FCMR: variants seen among roughly 807,000 people sequenced by gnomAD.
FCMR encodes immunoglobulin mu Fc receptor.
FCMR carries 34 observed loss-of-function variants against 41.6 expected under a neutral mutation model. The ratio of observed to expected loss-of-function variants is 0.82; its 90% CI spans 0.62 to 1.09. The LOEUF (loss-of-function observed/expected upper bound fraction) is 1.09. FCMR is among the 50% of genes least tolerant of loss of function. The pLI is 0.00. For missense variants in FCMR, 496 were observed against 512.5 expected (o/e 0.97, Z 0.31); for synonymous variants, 209 against 211.8 (o/e 0.99, Z 0.12).
Position 206,913,958 on chromosome 1 carries a change from A to G in FCMR, c.174T>C (p.Cys58=), listed in dbSNP as rs1679058614. 6.2e-7 allele frequency: 1 copy of G among 1,614,062 alleles called. No individual in the cohort carries two copies. Among genetic ancestry groups the G allele is most frequent in the East Asian group, 2.2e-5 (1 of 44,904 alleles). ...AGTTGGTGGTGGATACCACGGTACCACATGTTCCAGATCCAGCCATCTCCC... is the reference window on the plus strand; with the variant it reads ...AGTTGGTGGTGGATACCACGGTACCGCATGTTCCAGATCCAGCCATCTCCC... ...LCREMAGSGT[C]GTVVSTTNFI... The change falls in exon 2 of 8, where the codon TGT becomes TGC. Residue 58 remains cysteine (C), a synonymous_variant. Transcript: ENST00000367091.
Position 206,910,231 on chromosome 1 carries a change from T to G in FCMR, c.820A>C (p.Arg274=). 2.5e-6 allele frequency: 4 copies of G among 1,602,250 alleles called. No homozygotes were observed. The highest frequency in any genetic ancestry group is 3.4e-6 in the Non-Finnish European group (4 of 1,175,258). Residue 274 remains arginine, a synonymous_variant, in exon 5 of 8, where the codon AGG becomes CGG. Coordinates refer to ENST00000367091, the MANE Select transcript of FCMR (RefSeq NM_005449.5). ...TCACCTTTCCTCCTTTCAACGGCCC[T>G]TTTCACCACCAGCCCCAGAAGTGCC... ...LLALLGLVVK[R]AVERRKALSR...
chr1:206,912,045 C>A, intron 3 of FCMR, 93 bp from the exon 4 acceptor site: 1 of 942,730 alleles, frequency 1.1e-6, no homozygotes, highest in East Asian at 2.7e-5. Context: ...ACATACCCTT[C>A]CCTTTTATAC....
rs1277415546 is a variant in FCMR, at chr1:206,909,743, G to C, written c.967C>G (p.Arg323Gly). 3.4e-6 allele frequency: 5 copies of C among 1,462,424 alleles called. No homozygotes were observed. The highest frequency in any genetic ancestry group is 4.5e-6 in the Non-Finnish European group (5 of 1,117,406). The allele number at this position is 1,462,424 out of a possible 1,614,324, so 90.6% of individuals were successfully genotyped here. The stretch of plus-strand genomic sequence containing the variant: ...GGCTCACCTGCAGCGTCCGCTCCAC[G>C]AGCGCGCCGCGGGCAGGCGCTGTAG... ...NIYSACPRRA[R>G]GADAAGTGEA... The change falls in exon 6 of 8, where the codon CGT becomes GGT. Residue 323 changes from arginine (R) to glycine (G), a missense_variant. Physicochemically the swap from Arg to Gly is moderately radical, Grantham distance 125. Transcript: ENST00000367091. The surrounding 1 kb of genome is among the most constrained non-coding windows in gnomAD (Gnocchi z 5.0).
At position 206,909,643 on chromosome 1, in the gene FCMR, G is replaced by T; in HGVS notation, c.985+82C>A. On this transcript the variant is annotated intron_variant, in intron 6 of 7. Transcript: ENST00000367091. This position sits in a 1 kb window ranked among gnomAD's most constrained non-coding sequence, Gnocchi z 5.0. ...CACCCTGTGGGAAGCCCTGGCACCTGGGAGCGCGCCCCGCTGCGCCCGGCT... is the reference window on the plus strand; with the variant it reads ...CACCCTGTGGGAAGCCCTGGCACCTTGGAGCGCGCCCCGCTGCGCCCGGCT... 7.5e-7 allele frequency: 1 copy of T among 1,339,192 alleles called. No individual in the cohort carries two copies. The highest frequency in any genetic ancestry group is 9.6e-7 in the Non-Finnish European group (1 of 1,045,932). 83.0% of individuals were successfully genotyped at this position (1,339,192 alleles called of 1,614,324 possible).
intron 2 of FCMR, chr1:206,913,519 GT>G (rs1679033920): frequency 1.8e-6 from 1 of 566,504 alleles, no homozygotes; most frequent in Non-Finnish European, 3.1e-6. Context: ...CATGCCCTGG[GT>G]AGGATGAACA....
rs370939570 is a variant in FCMR at position 206,914,105 on chromosome 1, A to T, written c.38-11T>A. The T allele has an allele frequency of 3.1e-5, 49 of 1,598,062 alleles. No individual in the cohort carries two copies. In the African/African-American group the frequency reaches 6.0e-4, roughly 20 times the overall value. On this transcript the variant is annotated splice_polypyrimidine_tract_variant and intron_variant, in intron 1 of 7. Coordinates refer to ENST00000367091, the MANE Select transcript of FCMR (RefSeq NM_005449.5). ...TCAGGGCCCCCGATACTGCAGGGAG[A>T]GGAGATTAATGCAGAGGGAGCCCCA...
intron 7 of FCMR, chr1:206,908,288 G>A (rs576898093): frequency 9.7e-6 from 9 of 924,942 alleles, no homozygotes; most frequent in African/African-American, 8.3e-5. Context: ...CTCCATCGTC[G>A]CCCTGGAATG....
chr1:206,909,599 C>A lies in FCMR; in HGVS notation c.986-79G>T. The A allele has an allele frequency of 7.8e-7, 1 of 1,277,430 alleles. No homozygotes were observed. The highest frequency in any genetic ancestry group is 2.0e-5 in the South Asian group (1 of 50,096). The allele number at this position is 1,277,430 out of a possible 1,614,324, so 79.1% of individuals were successfully genotyped here. A position where few individuals can be genotyped will look rare whatever the true frequency, so the allele number is the denominator to read the frequency against. Reference sequence around the variant, plus strand: ...TCATGCTACTACTCCCAGCTCCACCCCCGCCCCACTCCCAGCTCCACCCTG... The same window carrying A: ...TCATGCTACTACTCCCAGCTCCACCACCGCCCCACTCCCAGCTCCACCCTG... On this transcript the variant is annotated intron_variant, in intron 6 of 7. Coordinates refer to ENST00000367091, the MANE Select transcript of FCMR (RefSeq NM_005449.5). The surrounding 1 kb of genome is among the most constrained non-coding windows in gnomAD (Gnocchi z 5.0).
chr1:206,909,824 G>A lies in FCMR; in HGVS notation c.886C>T (p.Leu296=). 7.1e-7 allele frequency: 1 copy of A among 1,408,504 alleles called. No individual in the cohort carries two copies. Among genetic ancestry groups the A allele is most frequent in the Non-Finnish European group, 9.2e-7 (1 of 1,087,948 alleles). 87.3% of individuals were successfully genotyped at this position (1,408,504 alleles called of 1,614,324 possible). Residue 296 remains leucine (L), a synonymous_variant, in exon 6 of 8, where the codon CTG becomes TTG. Transcript: ENST00000367091. This position sits in a 1 kb window ranked among gnomAD's most constrained non-coding sequence, Gnocchi z 5.0. ...CCGCGGGGCCTCTGGGAGCTCTCCA[G>A]GGCGCGCATCCTCACGGCCAGTCGG... ...ARRLAVRMRA[L]ESSQRPRGSP...
At position 206,909,778 on chromosome 1, in the gene FCMR, TG is replaced by T; in HGVS notation, c.931del (p.Gln311LysfsTer50). On this transcript the variant is annotated frameshift_variant, in exon 6 of 8. Coordinates refer to ENST00000367091, the MANE Select transcript of FCMR (RefSeq NM_005449.5). LOFTEE classifies it high-confidence loss of function. This position sits in a 1 kb window ranked among gnomAD's most constrained non-coding sequence, Gnocchi z 5.0. ...RPRGSPRPRS[Q>X]NNIYSACPRR... ...CGGGCAGGCGCTGTAGATGTTGTTTTGGGAGCGCGGTCGCGGCGACCCGCGG... is the reference window on the plus strand; with the variant it reads ...CGGGCAGGCGCTGTAGATGTTGTTTTGGAGCGCGGTCGCGGCGACCCGCGG... 6.9e-7 allele frequency: 1 copy of T among 1,459,832 alleles called. No individual in the cohort carries two copies. Among genetic ancestry groups the T allele is most frequent in the South Asian group, 1.4e-5 (1 of 73,866 alleles). 90.4% of individuals were successfully genotyped at this position (1,459,832 alleles called of 1,614,324 possible).
chr1:206,918,874 C>G (rs562588706), intron 1 of FCMR, among the ~76,000 whole-genome samples: 1 of 152,050 alleles, frequency 6.6e-6, no homozygotes, highest in Non-Finnish European at 1.5e-5. Flanking sequence ...CCTAGGGAGA[C>G]CCACTCCAGC....
intron 1 of FCMR, among the ~76,000 whole-genome samples, chr1:206,914,733 C>A (rs1679115160): frequency 6.6e-6 from 1 of 152,072 alleles, no homozygotes; most frequent in South Asian, 2.1e-4. Flanking sequence ...CCCTTATTCT[C>A]ATTTCTACCC....
Position 206,904,208 on chromosome 1 carries a change from T to G in FCMR, c.*811A>C, listed in dbSNP as rs1358132291. On this transcript the variant is annotated 3_prime_UTR_variant, in exon 8 of 8. Coordinates refer to ENST00000367091, the MANE Select transcript of FCMR (RefSeq NM_005449.5). ...GGGAACATTTGTGAAAACCAAGAAATGTAATGGTTTTGGATGAATAAAATA... is the reference window on the plus strand; with the variant it reads ...GGGAACATTTGTGAAAACCAAGAAAGGTAATGGTTTTGGATGAATAAAATA... 1 of 151,820 alleles carries G rather than the reference T, an allele frequency of 6.6e-6. No individual in the cohort carries two copies. The highest frequency in any genetic ancestry group is 6.6e-5 in the Admixed American group (1 of 15,194). 9.4% of individuals were successfully genotyped at this position (151,820 alleles called of 1,614,324 possible).
chr1:206,921,597 A>G (rs1244419729), intron 1 of FCMR, among the ~76,000 whole-genome samples: 1 of 152,150 alleles, frequency 6.6e-6, no homozygotes, highest in Admixed American at 6.5e-5. Context: ...TTAACACCTG[A>G]CTGAAACAGG....
intron 4 of FCMR, 70 bp downstream of exon 4, chr1:206,911,660 A>G (rs1678942929): frequency 2.1e-6 from 3 of 1,409,036 alleles, no homozygotes; most frequent in Non-Finnish European, 3.0e-6. Context: ...CTAATAATGG[A>G]CATTGCAGTG....
intron 1 of FCMR, among the ~76,000 whole-genome samples, chr1:206,921,595 T>C (rs948584548): frequency 6.6e-6 from 1 of 152,148 alleles, no homozygotes; most frequent in Admixed American, 6.5e-5. Context: ...AGTTAACACC[T>C]GACTGAAACA....
intron 7 of FCMR, among the ~76,000 whole-genome samples, chr1:206,907,076 A>G (rs1678680950): frequency 4.6e-5 from 1 of 21,870 alleles, no homozygotes; most frequent in African/African-American, 2.0e-4. Context: ...CAAGCCGGAG[A>G]AGCCGGGGGG....
chr1:206,916,220 C>A (rs1679185381), intron 1 of FCMR, among the ~76,000 whole-genome samples: 1 of 152,182 alleles, frequency 6.6e-6, no homozygotes, highest in Non-Finnish European at 1.5e-5. Context: ...TGACCTGTCA[C>A]AAAGTGTCAA....
At chr1:206,920,620 AAG>A (rs897406268) in intron 1 of FCMR, among the ~76,000 whole-genome samples, 1 of 152,046 alleles carries the variant, frequency 6.6e-6, no homozygotes, top group African/African-American at 2.4e-5. Context: ...CAGAGTATGA[AAG>A]GGGATACAGG....
Sources: gnomAD v4.1 joint callset for allele counts (sites outside exome capture counted in the v4.1 genomes callset) on GRCh38, gnomAD v4.1.1 for gene constraint, Gnocchi (gnomAD v3.1) non-coding constraint, MANE v1.5 for transcripts, NCBI Gene and HGNC (gene_info 2026-07-23, HGNC 2026-07-21) for gene names.